INPP4B: variants seen among roughly 807,000 people sequenced by gnomAD.
The protein encoded by INPP4B is inositol polyphosphate-4-phosphatase type II B.
Under a neutral mutation model 122.5 loss-of-function variants are expected in INPP4B, and 55 were observed. That is an observed-to-expected ratio of 0.45 (90% CI 0.36 to 0.56). The LOEUF (loss-of-function observed/expected upper bound fraction) is 0.56, where lower values mean the gene tolerates loss of function less well. Among genes scored for constraint, INPP4B ranks in the 20% least tolerant of loss-of-function variants. The pLI is 0.00. For synonymous variants in INPP4B, 403 were observed against 388.7 expected, an observed-to-expected ratio of 1.04 and a Z score of -0.43; for missense variants, 1,000 against 1,097.7, an observed-to-expected ratio of 0.91 and a Z score of 1.26.
intron 2 of INPP4B, among the ~76,000 whole-genome samples, chr4:142,506,340 C>T (rs775911509): frequency 2.6e-5 from 4 of 152,056 alleles, no homozygotes; most frequent in Non-Finnish European, 4.4e-5. Context: ...CTAAACATGT[C>T]CTTTCCTCCT....
At chr4:142,631,949 T>A (rs1348029346) in intron 2 of INPP4B, among the ~76,000 whole-genome samples, 1 of 152,040 alleles carries the variant, frequency 6.6e-6, no homozygotes, top group African/African-American at 2.4e-5. Context: ...GACAGACAGA[T>A]CTCCACACTG....
intron 1 of INPP4B, among the ~76,000 whole-genome samples, chr4:142,784,347 A>G (rs1164144596): frequency 2.0e-5 from 3 of 150,596 alleles, no homozygotes; most frequent in Non-Finnish European, 4.4e-5. Context: ...TGGGTGATAG[A>G]GAGAAACTCT....
At chr4:142,616,122 T>C (rs1477112843) in intron 2 of INPP4B, among the ~76,000 whole-genome samples, 2 of 151,704 alleles carry the variant, frequency 1.3e-5, no homozygotes, top group East Asian at 1.9e-4. Flanking sequence ...AAAACAAAGA[T>C]TGACATTTTT....
chr4:142,597,115 C>G (rs1738878078), intron 2 of INPP4B, among the ~76,000 whole-genome samples: 1 of 152,200 alleles, frequency 6.6e-6, no homozygotes. Flanking sequence ...AAAATAAATT[C>G]CTTGCCCAGA....
At chr4:142,114,979 G>A (rs1792317316) in intron 21 of INPP4B, among the ~76,000 whole-genome samples, 1 of 152,056 alleles carries the variant, frequency 6.6e-6, no homozygotes, top group East Asian at 1.9e-4. Context: ...ACCTGATGGA[G>A]CTGAAAACCA....
At chr4:142,111,146 C>A (rs375502693) in intron 22 of INPP4B, among the ~76,000 whole-genome samples, 17 of 152,026 alleles carry the variant, frequency 1.1e-4, no homozygotes, top group African/African-American at 4.1e-4. Flanking sequence ...AAGGAATATG[C>A]TAGGTACTTT....
chr4:142,085,911 T>C (rs954091936), intron 24 of INPP4B, among the ~76,000 whole-genome samples: 3 of 152,124 alleles, frequency 2.0e-5, no homozygotes, highest in African/African-American at 4.8e-5. Context: ...ACATCCAAGG[T>C]TGGTAAGAAT....
intron 23 of INPP4B, among the ~76,000 whole-genome samples, chr4:142,105,429 TTG>T (rs1578914573): frequency 6.6e-6 from 1 of 152,316 alleles, no homozygotes; most frequent in East Asian, 1.9e-4. Context: ...GATTGCTGAA[TTG>T]TGACTATAAA....
intron 16 of INPP4B, among the ~76,000 whole-genome samples, chr4:142,169,173 T>C (rs1824305505): frequency 6.6e-6 from 1 of 151,394 alleles, no homozygotes; most frequent in South Asian, 2.1e-4. Flanking sequence ...TAACAAATTT[T>C]GTTTATTGTA....
At chr4:142,797,192 A>T (rs964519697) in intron 1 of INPP4B, among the ~76,000 whole-genome samples, 2 of 151,934 alleles carry the variant, frequency 1.3e-5, no homozygotes, top group African/African-American at 4.8e-5. Flanking sequence ...AAAAAAGCAG[A>T]TAGAGAGCTC....
At chr4:142,109,760 A>G (rs1316593408) in intron 22 of INPP4B, among the ~76,000 whole-genome samples, 1 of 152,132 alleles carries the variant, frequency 6.6e-6, no homozygotes, top group East Asian at 1.9e-4. Flanking sequence ...TTATTGCATG[A>G]GCCGAACTGT....
intron 11 of INPP4B, among the ~76,000 whole-genome samples, chr4:142,256,784 G>A (rs1389308461): frequency 1.3e-5 from 2 of 152,138 alleles, no homozygotes; most frequent in African/African-American, 2.4e-5. Context: ...GTACAAGGAG[G>A]AACTGGTACC....
intron 17 of INPP4B, among the ~76,000 whole-genome samples, chr4:142,158,364 T>C (rs1357724210): frequency 6.6e-6 from 1 of 152,080 alleles, no homozygotes; most frequent in Non-Finnish European, 1.5e-5. Context: ...CAGCCCTGAA[T>C]AGGCTGTGGA....
intron 5 of INPP4B, among the ~76,000 whole-genome samples, chr4:142,418,319 A>G (rs551008109): frequency 1.3e-5 from 2 of 152,278 alleles, no homozygotes; most frequent in African/African-American, 2.4e-5. Flanking sequence ...ATATTGATTT[A>G]TTTTATGAAT....
intron 2 of INPP4B, among the ~76,000 whole-genome samples, chr4:142,574,043 A>G (rs531792488): frequency 2.0e-5 from 3 of 152,102 alleles, no homozygotes; most frequent in Non-Finnish European, 2.9e-5. Context: ...TCAAAGGGTA[A>G]AAAGTACCAT....
chr4:142,594,596 C>T (rs1274494182), intron 2 of INPP4B, among the ~76,000 whole-genome samples: 1 of 152,066 alleles, frequency 6.6e-6, no homozygotes, highest in Admixed American at 6.6e-5. Flanking sequence ...TTATTATTGC[C>T]TCTCATTGAT....
chr4:142,449,274 A>G (rs1813619693), intron 3 of INPP4B, among the ~76,000 whole-genome samples: 1 of 152,214 alleles, frequency 6.6e-6, no homozygotes, highest in South Asian at 2.1e-4. Flanking sequence ...CCATGGATCT[A>G]GCAAGACCAA....
chr4:142,395,019 A>C (rs1310128946), intron 7 of INPP4B, among the ~76,000 whole-genome samples: 1 of 152,252 alleles, frequency 6.6e-6, no homozygotes, highest in Non-Finnish European at 1.5e-5. Context: ...TTCTCCATGC[A>C]AACATCATTA....
intron 9 of INPP4B, among the ~76,000 whole-genome samples, chr4:142,300,397 C>G (rs1036033944): frequency 6.6e-6 from 1 of 151,834 alleles, no homozygotes; most frequent in African/African-American, 2.4e-5. Context: ...TGTTGTTGTT[C>G]TTTTATTTAC....
Sources: allele counts gnomAD v4.1 joint callset (sites outside exome capture counted in the v4.1 genomes callset), GRCh38; gene constraint gnomAD v4.1.1; transcripts MANE v1.5; gene names NCBI Gene and HGNC (gene_info 2026-07-23, HGNC 2026-07-21).